Variants in FMN1 observed in about 807,000 individuals in gnomAD.
FMN1 encodes the protein formin-1.
A neutral mutation model predicts 132.4 loss-of-function variants in FMN1; 110 were observed. That is an observed-to-expected ratio of 0.83 (90% CI 0.71 to 0.97). FMN1 has a LOEUF of 0.97. Among genes scored for constraint, FMN1 ranks in the 50% least tolerant of loss-of-function variants. The probability of loss-of-function intolerance (pLI) is 0.00; values close to 1 mark genes in which losing one functional copy is unlikely to be tolerated. For missense variants in FMN1, 1,792 were observed against 1,705.3 expected (o/e 1.05, Z -0.90); for synonymous variants, 722 against 651.7 (o/e 1.11, Z -1.64).
rs968290677 is a variant in FMN1 at position 32,766,668 on chromosome 15, TCA to T, written c.*7640_*7641del. 2.0e-5 allele frequency: 3 copies of T among 152,046 alleles called. No individual in the cohort carries two copies. The highest frequency in any genetic ancestry group is 7.2e-5 in the African/African-American group (3 of 41,402). 9.4% of individuals were successfully genotyped at this position (152,046 alleles called of 1,614,324 possible). A position where few individuals can be genotyped will look rare whatever the true frequency, so the allele number is the denominator to read the frequency against. On this transcript the variant is annotated 3_prime_UTR_variant, in exon 21 of 21. Coordinates refer to ENST00000616417, the MANE Select transcript of FMN1 (RefSeq NM_001277313.2). ...CAAGAGGCAGTCACAGCAGTGTGTC[TCA>T]CATGGGCTCCTTGGTGACAGCGGAG...
chr15:33,025,631 G>A (rs1352568006), intron 6 of FMN1, among the ~76,000 whole-genome samples: 2 of 152,052 alleles, frequency 1.3e-5, no homozygotes, highest in East Asian at 1.9e-4. Context: ...GCAATTATGC[G>A]GCGTTTGTTC....
intron 10 of FMN1, among the ~76,000 whole-genome samples, chr15:32,913,266 A>C (rs1451889636): frequency 6.6e-6 from 1 of 152,174 alleles, no homozygotes; most frequent in East Asian, 1.9e-4. Flanking sequence ...CTGTATTATC[A>C]TATTTTTATC....
At chr15:32,976,745 A>G (rs975432529) in intron 7 of FMN1, among the ~76,000 whole-genome samples, 2 of 152,182 alleles carry the variant, frequency 1.3e-5, no homozygotes, top group Non-Finnish European at 2.9e-5. Flanking sequence ...GTAAAGAGTA[A>G]TTGATATGAA....
Position 33,153,267 on chromosome 15 carries a change from C to A in FMN1, c.1648G>T (p.Ala550Ser), listed in dbSNP as rs1165271006. 1 of 1,536,162 alleles carries A rather than the reference C, an allele frequency of 6.5e-7. No individual in the cohort carries two copies. The highest frequency in any genetic ancestry group is 1.4e-5 in the African/African-American group (1 of 73,166). ...TTTCTACAAGGAGAGTCATTAAGAG[C>A]AGCTTCCCTCTCACCAGGCAATGCA... ...LPALPGEREAALNDSPCRKSR... is the reference protein window; with the variant it reads ...LPALPGEREASLNDSPCRKSR... Residue 550 changes from alanine to serine, a missense_variant, in exon 4 of 21, where the codon GCT becomes TCT. This residue lies in a region of FMN1 where 1,150 missense variants were observed against 1,043.1 expected (regional missense o/e 1.10). Coordinates refer to ENST00000616417, the MANE Select transcript of FMN1 (RefSeq NM_001277313.2).
chr15:33,061,626 A>T (rs933759308), intron 6 of FMN1, among the ~76,000 whole-genome samples: 2 of 152,126 alleles, frequency 1.3e-5, no homozygotes, highest in Non-Finnish European at 2.9e-5. Flanking sequence ...TATATAAGGA[A>T]ATCCAAAAAC....
chr15:32,961,982 C>A (rs146703256), intron 9 of FMN1, among the ~76,000 whole-genome samples: 93 of 152,176 alleles, frequency 6.1e-4, no homozygotes, highest in African/African-American at 2.1e-3. Flanking sequence ...CCCTGAACAC[C>A]CCATTTAAAA....
chr15:33,013,061 G>T (rs1566824582), intron 6 of FMN1: 4 of 404,404 alleles, frequency 9.9e-6, no homozygotes, highest in Non-Finnish European at 1.9e-5. Flanking sequence ...ACTGGCAGAA[G>T]ATTTTAATTA....
intron 19 of FMN1, among the ~76,000 whole-genome samples, chr15:32,780,179 T>A (rs979043197): frequency 6.6e-6 from 1 of 152,202 alleles, no homozygotes; most frequent in African/African-American, 2.4e-5. Flanking sequence ...CCATCTTCAA[T>A]AGAAGCTGGG....
At chr15:32,935,633 C>CT (rs35444350) in intron 9 of FMN1, among the ~76,000 whole-genome samples, 7,121 of 145,804 alleles carry the variant, frequency 0.049, 258 homozygotes, top group Non-Finnish European at 0.075. Flanking sequence ...TTTCTTTACT[C>CT]TTTTTTTTTT....
At chr15:33,072,615 C>G (rs1050441776) in intron 5 of FMN1, among the ~76,000 whole-genome samples, 2 of 152,042 alleles carry the variant, frequency 1.3e-5, no homozygotes, top group African/African-American at 2.4e-5. Flanking sequence ...CCAATTGTAC[C>G]CCATGGCAAA....
chr15:33,007,013 G>A lies in FMN1; in HGVS notation c.2223+1001C>T, dbSNP rs554548674. ...CATGGTGACTATAGTTCATAACCAT[G>A]TTATTGTATACTTTAAAATTTCTAA... On this transcript the variant is annotated intron_variant, in intron 7 of 20. Transcript: ENST00000616417. Among the ~76,000 whole-genome samples, 3 of 152,216 alleles carry A rather than the reference G, an allele frequency of 2.0e-5. 1 individual carries two copies. The highest frequency in any genetic ancestry group is 7.2e-5 in the African/African-American group (3 of 41,550).
At chr15:33,131,328 C>CAA (rs10710700) in intron 4 of FMN1, among the ~76,000 whole-genome samples, 22 of 80,138 alleles carry the variant, frequency 2.7e-4, no homozygotes, top group East Asian at 8.5e-4. Context: ...GACTCCATCT[C>CAA]AAAAAAAAAA....
intron 2 of FMN1, among the ~76,000 whole-genome samples, chr15:33,192,989 C>T (rs1307911787): frequency 1.3e-5 from 2 of 152,202 alleles, no homozygotes; most frequent in Admixed American, 6.5e-5. Context: ...AGGATTTGAA[C>T]CTATGTCTGA....
At chr15:33,141,085 A>T (rs904255219) in intron 4 of FMN1, among the ~76,000 whole-genome samples, 2 of 152,172 alleles carry the variant, frequency 1.3e-5, no homozygotes, top group African/African-American at 2.4e-5. Flanking sequence ...AGCTACAAAT[A>T]TCTCCTCCCA....
chr15:32,861,503 G>C (rs1473096969), intron 16 of FMN1, among the ~76,000 whole-genome samples: 1 of 152,202 alleles, frequency 6.6e-6, no homozygotes, highest in African/African-American at 2.4e-5. Flanking sequence ...TCTGCAAAAT[G>C]GGGACCTCCC....
rs2291064 is a variant in FMN1 at position 33,089,085 on chromosome 15, G to A, written c.1868-111C>T. On this transcript the variant is annotated intron_variant, in intron 4 of 20. Coordinates refer to ENST00000616417, the MANE Select transcript of FMN1 (RefSeq NM_001277313.2). ...ACTTCTCTATGCTAGCTCTTACTTTGCTTTCTAAGTTATATTTTTAAGAGA... is the reference window on the plus strand; with the variant it reads ...ACTTCTCTATGCTAGCTCTTACTTTACTTTCTAAGTTATATTTTTAAGAGA... The A allele has an allele frequency of 0.33, 272,743 of 838,212 alleles. 47,193 individuals are homozygous for A. The highest frequency in any genetic ancestry group is 0.38 in the Admixed American group (12,044 of 31,416). The allele number at this position is 838,212 out of a possible 1,614,324, so 51.9% of individuals were successfully genotyped here.
At chr15:33,183,259 A>T (rs986477704) in intron 2 of FMN1, among the ~76,000 whole-genome samples, 4 of 152,198 alleles carry the variant, frequency 2.6e-5, no homozygotes, top group African/African-American at 9.6e-5. Flanking sequence ...TGCCTACCTA[A>T]TAGGTTGTTG....
chr15:33,027,034 T>C (rs1041242709), intron 6 of FMN1, among the ~76,000 whole-genome samples: 1 of 152,180 alleles, frequency 6.6e-6, no homozygotes, highest in Non-Finnish European at 1.5e-5. Context: ...TCTGCATCTC[T>C]CAATCCTAAC....
At chr15:33,181,700 T>TTTCTTTC (rs1041707073) in intron 2 of FMN1, among the ~76,000 whole-genome samples, 2 of 143,474 alleles carry the variant, frequency 1.4e-5, no homozygotes, top group African/African-American at 5.0e-5. Flanking sequence ...TCTTTTCTTT[T>TTTCTTTC]TTCTTTCTTT....
Sources: gnomAD v4.1 joint callset for allele counts (sites outside exome capture counted in the v4.1 genomes callset) on GRCh38, gnomAD v4.1.1 for gene constraint, gnomAD v4.1.1 regional missense constraint, MANE v1.5 for transcripts, NCBI Gene and HGNC (gene_info 2026-07-23, HGNC 2026-07-21) for gene names.